ZNF385D: variants seen among roughly 807,000 people sequenced by gnomAD.
The protein encoded by ZNF385D is zinc finger protein 659.
In ZNF385D, 15 loss-of-function variants were observed where a neutral mutation model predicts 35.8. The observed-to-expected ratio is 0.42, with a 90% CI of 0.28 to 0.64. The LOEUF (loss-of-function observed/expected upper bound fraction) is 0.64, where lower values mean the gene tolerates loss of function less well. Among genes scored for constraint, ZNF385D ranks in the 30% least tolerant of loss-of-function variants. The pLI, the probability that ZNF385D is intolerant of heterozygous loss-of-function variation, is 0.23. For synonymous variants in ZNF385D, 212 were observed against 186.8 expected, an observed-to-expected ratio of 1.13 and a Z score of -1.10; for missense variants, 474 against 494.6, an observed-to-expected ratio of 0.96 and a Z score of 0.39.
At chr3:22,256,197 A>C (rs1700306905) in intron 2 of ZNF385D, among the ~76,000 whole-genome samples, 1 of 147,030 alleles carries the variant, frequency 6.8e-6, no homozygotes, top group South Asian at 2.1e-4. Flanking sequence ...ATACATACAC[A>C]CATACATATA....
intron 3 of ZNF385D, among the ~76,000 whole-genome samples, chr3:21,840,411 T>C (rs563303329): frequency 3.9e-5 from 6 of 152,224 alleles, no homozygotes; most frequent in African/African-American, 1.2e-4. Flanking sequence ...CTTTTAAAGA[T>C]AGCATGCTTC....
chr3:21,924,612 C>A (rs1700634504), intron 3 of ZNF385D, among the ~76,000 whole-genome samples: 2 of 152,018 alleles, frequency 1.3e-5, no homozygotes, highest in Non-Finnish European at 2.9e-5. Flanking sequence ...CTCCTGTACC[C>A]TTTACTCTTC....
intron 2 of ZNF385D, among the ~76,000 whole-genome samples, chr3:22,296,953 C>A (rs1257879396): frequency 6.6e-6 from 1 of 152,034 alleles, no homozygotes; most frequent in African/African-American, 2.4e-5. Context: ...AATTCATCTA[C>A]CCTTGGAAAT....
chr3:22,098,518 ACTCTC>A (rs1701755542), intron 3 of ZNF385D, among the ~76,000 whole-genome samples: 1 of 152,010 alleles, frequency 6.6e-6, no homozygotes, highest in Admixed American at 6.6e-5. Context: ...GTGCTTAACT[ACTCTC>A]TAGCTGTCAT....
intron 2 of ZNF385D, among the ~76,000 whole-genome samples, chr3:22,249,860 G>A (rs1304381873): frequency 1.3e-5 from 2 of 152,130 alleles, no homozygotes; most frequent in South Asian, 2.1e-4. Flanking sequence ...TATATGCCAT[G>A]TCAGCTTTTC....
chr3:22,027,496 G>A (rs1296144120), intron 3 of ZNF385D, among the ~76,000 whole-genome samples: 1 of 152,130 alleles, frequency 6.6e-6, no homozygotes, highest in East Asian at 1.9e-4. Flanking sequence ...TAGGATTTTG[G>A]AGCAAGGTCC....
intron 3 of ZNF385D, among the ~76,000 whole-genome samples, chr3:21,941,539 G>C (rs1487266867): frequency 1.6e-3 from 200 of 126,644 alleles, no homozygotes; most frequent in African/African-American, 5.8e-3. Flanking sequence ...ACTCTGTCCC[G>C]CAGGCTGGAA....
At chr3:21,517,581 A>G (rs558432409) in intron 3 of ZNF385D, among the ~76,000 whole-genome samples, 1 of 152,102 alleles carries the variant, frequency 6.6e-6, no homozygotes, top group Non-Finnish European at 1.5e-5. Flanking sequence ...ATTTGAAAGG[A>G]TTTAATTGGC....
At chr3:21,474,769 T>G (rs1704125911) in intron 4 of ZNF385D, among the ~76,000 whole-genome samples, 1 of 152,120 alleles carries the variant, frequency 6.6e-6, no homozygotes, top group Non-Finnish European at 1.5e-5. Context: ...CCCAAAATCA[T>G]TTTGTACTGT....
intron 3 of ZNF385D, among the ~76,000 whole-genome samples, chr3:21,883,891 T>C (rs988048355): frequency 1.3e-5 from 2 of 151,990 alleles, no homozygotes; most frequent in African/African-American, 4.8e-5. Flanking sequence ...TGCTACGACA[T>C]CTCATCCGTT....
At chr3:22,329,152 G>A (rs1438144805) in intron 2 of ZNF385D, among the ~76,000 whole-genome samples, 1 of 150,840 alleles carries the variant, frequency 6.6e-6, no homozygotes, top group Non-Finnish European at 1.5e-5. Context: ...TTTCTCATAT[G>A]CCATGCCTTC....
At chr3:22,073,985 T>C (rs1355468330) in intron 3 of ZNF385D, among the ~76,000 whole-genome samples, 1 of 151,992 alleles carries the variant, frequency 6.6e-6, no homozygotes, top group Non-Finnish European at 1.5e-5. Context: ...TTTCTGCTTA[T>C]ACTAAAGTAC....
intron 3 of ZNF385D, among the ~76,000 whole-genome samples, chr3:22,084,810 G>C (rs1022223539): frequency 2.0e-5 from 3 of 152,128 alleles, no homozygotes; most frequent in South Asian, 2.1e-4. Flanking sequence ...TTCCAAAATT[G>C]ACCACATAGT....
chr3:22,029,173 G>GCT (rs1200373652), intron 3 of ZNF385D, among the ~76,000 whole-genome samples: 1 of 152,174 alleles, frequency 6.6e-6, no homozygotes, highest in Non-Finnish European at 1.5e-5. Flanking sequence ...GACACTTTGT[G>GCT]CTCCTCCTAC....
At chr3:22,172,935 G>T (rs141088291) in intron 2 of ZNF385D, among the ~76,000 whole-genome samples, 57 of 152,250 alleles carry the variant, frequency 3.7e-4, no homozygotes, top group African/African-American at 1.3e-3. Flanking sequence ...GTGTGGTACA[G>T]AAAGAGGAGA....
rs111771280 is a variant in ZNF385D, at chr3:22,335,056, T to C, written c.106+37394A>G. Among the ~76,000 whole-genome samples, 30 of 152,234 alleles carry C rather than the reference T, an allele frequency of 2.0e-4. 1 individual carries two copies. Among genetic ancestry groups the C allele is most frequent in the African/African-American group, 7.2e-4 (30 of 41,556 alleles). On this transcript the variant is annotated intron_variant, in intron 2 of 5. Coordinates refer to the ZNF385D transcript ENST00000494108. ...TGCCAGGCACTGGAAAGATCAGAAA[T>C]AAATGGAACAAATTTCCTGCTTTCA...
At chr3:21,812,019 G>C (rs2072941824) in intron 3 of ZNF385D, among the ~76,000 whole-genome samples, 1 of 152,036 alleles carries the variant, frequency 6.6e-6, no homozygotes, top group Admixed American at 6.5e-5. Flanking sequence ...AATCAAATTT[G>C]AATATTTTCA....
intron 3 of ZNF385D, among the ~76,000 whole-genome samples, chr3:21,528,838 G>A (rs2061851388): frequency 6.6e-6 from 1 of 152,134 alleles, no homozygotes; most frequent in Admixed American, 6.5e-5. Flanking sequence ...ATGAGCATAT[G>A]GAAACAATGA....
intron 2 of ZNF385D, among the ~76,000 whole-genome samples, chr3:22,177,503 T>A (rs1433204766): frequency 6.6e-6 from 1 of 152,198 alleles, no homozygotes; most frequent in Non-Finnish European, 1.5e-5. Flanking sequence ...CTTAGGATAT[T>A]TGTACATCAC....
Sources: allele counts gnomAD v4.1 joint callset (sites outside exome capture counted in the v4.1 genomes callset), GRCh38; gene constraint gnomAD v4.1.1; transcripts MANE v1.5; gene names NCBI Gene and HGNC (gene_info 2026-07-23, HGNC 2026-07-21).